Variants in PLD5 observed in about 807,000 individuals in gnomAD.
The protein encoded by PLD5 is phospholipase D family member 5, also known as inactive phospholipase D5.
PLD5 carries 36 observed loss-of-function variants against 61.1 expected under a neutral mutation model. The observed-to-expected ratio is 0.59, with a 90% CI of 0.45 to 0.78. The LOEUF is 0.78. Among genes scored for constraint, PLD5 ranks in the 30% least tolerant of loss-of-function variants. The pLI is 0.00. For synonymous variants in PLD5, 243 were observed against 242.8 expected (o/e 1.00, Z -0.01); for missense variants, 515 against 644.4 (o/e 0.80, Z 2.17).
intron 8 of PLD5, among the ~76,000 whole-genome samples, chr1:242,105,872 T>A (rs941808413): frequency 6.6e-6 from 1 of 152,216 alleles, no homozygotes; most frequent in Non-Finnish European, 1.5e-5. Context: ...TAGGGAATTA[T>A]GTACAACAAG....
chr1:242,277,754 G>A (rs1172932494), intron 3 of PLD5, among the ~76,000 whole-genome samples: 6 of 151,440 alleles, frequency 4.0e-5, no homozygotes, highest in South Asian at 2.1e-4. Flanking sequence ...AGGCCGACGC[G>A]GAAGGATCAC....
intron 1 of PLD5, among the ~76,000 whole-genome samples, chr1:242,371,494 G>T (rs571747773): frequency 6.6e-6 from 1 of 152,106 alleles, no homozygotes; most frequent in East Asian, 1.9e-4. Context: ...TATCACCTCT[G>T]CCCTAACTCC....
chr1:242,345,905 C>A (rs1218838228), intron 2 of PLD5, among the ~76,000 whole-genome samples: 1 of 151,286 alleles, frequency 6.6e-6, no homozygotes, highest in Non-Finnish European at 1.5e-5. Context: ...GACAGACACA[C>A]AAGAAGTGTA....
chr1:242,161,004 A>G (rs1665780797), intron 5 of PLD5, among the ~76,000 whole-genome samples: 1 of 127,656 alleles, frequency 7.8e-6, no homozygotes, highest in East Asian at 2.1e-4. Flanking sequence ...GCATATGGGG[A>G]CTTATATTAT....
chr1:242,132,508 A>G (rs983593749), intron 5 of PLD5, among the ~76,000 whole-genome samples: 3 of 152,182 alleles, frequency 2.0e-5, no homozygotes, highest in Non-Finnish European at 4.4e-5. Context: ...TGCAACTGGG[A>G]GCAGCTCACA....
intron 4 of PLD5, among the ~76,000 whole-genome samples, chr1:242,223,038 T>C (rs956531861): frequency 8.5e-5 from 13 of 152,132 alleles, no homozygotes; most frequent in African/African-American, 2.7e-4. Flanking sequence ...ACAACAGAAA[T>C]GTATCCCTCA....
intron 1 of PLD5, among the ~76,000 whole-genome samples, chr1:242,419,571 C>CCTTT (rs1558550692): frequency 5.1e-5 from 2 of 39,362 alleles, no homozygotes; most frequent in African/African-American, 2.2e-4. Flanking sequence ...AAATTTTTTG[C>CCTTT]ATTTTTTTTT....
chr1:242,368,393 C>A (rs1661456846), intron 1 of PLD5, among the ~76,000 whole-genome samples: 1 of 152,066 alleles, frequency 6.6e-6, no homozygotes, highest in African/African-American at 2.4e-5. Flanking sequence ...GATCAAAGAC[C>A]TGGACACAAA....
intron 5 of PLD5, among the ~76,000 whole-genome samples, chr1:242,197,172 G>C (rs1668684415): frequency 6.6e-6 from 1 of 152,138 alleles, no homozygotes; most frequent in African/African-American, 2.4e-5. Context: ...AGCCAGCCCA[G>C]GAGGGACCCT....
intron 5 of PLD5, among the ~76,000 whole-genome samples, chr1:242,136,569 C>A (rs1455558846): frequency 6.6e-6 from 1 of 152,102 alleles, no homozygotes; most frequent in Non-Finnish European, 1.5e-5. Flanking sequence ...CTTGTCTAAT[C>A]CTTTTGTTAA....
At chr1:242,216,102 C>A (rs1051557793) in intron 5 of PLD5, among the ~76,000 whole-genome samples, 2 of 152,178 alleles carry the variant, frequency 1.3e-5, no homozygotes, top group Non-Finnish European at 2.9e-5. Context: ...TGCTGCAGGT[C>A]ACTCCTTGAT....
In PLD5 at chr1:242,445,837, A is replaced by G. The variant is rs1666512217; in HGVS notation, c.189+78251T>C. Among the ~76,000 whole-genome samples the G allele has an allele frequency of 2.0e-5, 3 of 150,016 alleles. No individual in the cohort carries two copies. In the South Asian group the frequency reaches 6.4e-4, roughly 32 times the overall value. ...TTTACTCTTCCACATTTCACCTCCA[A>G]TCAGTGGCCAGGGCAGGTGGATTTT... On this transcript the variant is annotated intron_variant, in intron 1 of 9. Transcript: ENST00000536534.
intron 1 of PLD5, among the ~76,000 whole-genome samples, chr1:242,451,403 T>A (rs1361094575): frequency 6.6e-6 from 1 of 152,086 alleles, no homozygotes; most frequent in Non-Finnish European, 1.5e-5. Context: ...TATTGTTTAT[T>A]TTTAGGTATC....
chr1:242,189,784 A>G (rs898748840), intron 5 of PLD5, among the ~76,000 whole-genome samples: 14 of 152,202 alleles, frequency 9.2e-5, no homozygotes, highest in Admixed American at 4.6e-4. Context: ...CACAGGCTAA[A>G]TGATGGAACA....
At chr1:242,204,776 C>A (rs1669216793) in intron 5 of PLD5, among the ~76,000 whole-genome samples, 1 of 152,110 alleles carries the variant, frequency 6.6e-6, no homozygotes, top group Non-Finnish European at 1.5e-5. Context: ...TGTGAAATAA[C>A]TTGCCCTGGG....
At chr1:242,113,768 G>T in intron 7 of PLD5, 122 bp downstream of exon 7, 1 of 1,206,356 alleles carries the variant, frequency 8.3e-7, no homozygotes, top group Non-Finnish European at 1.1e-6. Flanking sequence ...GCAATGAATG[G>T]TGTGCTCTTC....
At chr1:242,280,947 G>A (rs1404765453) in intron 3 of PLD5, among the ~76,000 whole-genome samples, 1 of 152,178 alleles carries the variant, frequency 6.6e-6, no homozygotes, top group Non-Finnish European at 1.5e-5. Flanking sequence ...TTGAGGGAAT[G>A]GAGACTTGCC....
At chr1:242,378,395 T>C (rs6429351) in intron 1 of PLD5, among the ~76,000 whole-genome samples, 30,661 of 152,058 alleles carry the variant, frequency 0.2, 3,475 homozygotes, top group African/African-American at 0.31. Context: ...GGGTATAGAA[T>C]TTCAGGTCTG....
chr1:242,381,958 C>T (rs1381235008), intron 1 of PLD5, among the ~76,000 whole-genome samples: 1 of 152,048 alleles, frequency 6.6e-6, no homozygotes, highest in African/African-American at 2.4e-5. Flanking sequence ...AGAAAAGAGA[C>T]AAACGACTTA....
Sources: allele counts gnomAD v4.1 joint callset (sites outside exome capture counted in the v4.1 genomes callset), GRCh38; gene constraint gnomAD v4.1.1; transcripts MANE v1.5; gene names NCBI Gene and HGNC (gene_info 2026-07-23, HGNC 2026-07-21).